ELL2: variants seen among roughly 807,000 people sequenced by gnomAD.
ELL2 encodes elongation factor for RNA polymerase II 2.
In ELL2, 21 loss-of-function variants were observed where a neutral mutation model predicts 72.8. That is an observed-to-expected ratio of 0.29 (90% CI 0.20 to 0.42). The LOEUF (loss-of-function observed/expected upper bound fraction) is 0.42, where lower values mean the gene tolerates loss of function less well. ELL2 is among the 10% of genes least tolerant of loss of function. The pLI is 1.00. For synonymous variants in ELL2, 266 were observed against 283.2 expected (o/e 0.94, Z 0.61); for missense variants, 568 against 772.8 (o/e 0.73, Z 3.14).
intron 10 of ELL2, among the ~76,000 whole-genome samples, chr5:95,890,370 A>C (rs779793811): frequency 3.9e-5 from 6 of 152,164 alleles, no homozygotes; most frequent in Non-Finnish European, 8.8e-5. Flanking sequence ...CAGCCTGAAC[A>C]CTGGTAGTGG....
chr5:95,906,857 A>AT, intron 4 of ELL2, 75 bp from the exon 5 acceptor site: 1 of 1,385,670 alleles, frequency 7.2e-7, no homozygotes, highest in South Asian at 1.8e-5. Flanking sequence ...CACAATTCTG[A>AT]TTTAGGTACC....
chr5:95,905,747 GT>G (rs59880161), intron 5 of ELL2, among the ~76,000 whole-genome samples: 8,271 of 144,572 alleles, frequency 0.057, 666 homozygotes, highest in East Asian at 0.42. Flanking sequence ...AACCTGTAGG[GT>G]TTTTTTTTTT....
chr5:95,891,536 AAG>A (rs1400217662), intron 9 of ELL2, among the ~76,000 whole-genome samples: 25 of 152,222 alleles, frequency 1.6e-4, no homozygotes, highest in Admixed American at 1.6e-3. Flanking sequence ...ACTAAGTAAA[AAG>A]AAAACAGTAT....
chr5:95,912,825 C>T (rs1448601368), intron 4 of ELL2, among the ~76,000 whole-genome samples: 2 of 152,182 alleles, frequency 1.3e-5, no homozygotes, highest in Admixed American at 6.5e-5. Flanking sequence ...TGTACTGTAG[C>T]TGGATCAGCA....
chr5:95,944,035 A>G (rs1751067615), intron 1 of ELL2, among the ~76,000 whole-genome samples: 1 of 152,188 alleles, frequency 6.6e-6, no homozygotes, highest in South Asian at 2.1e-4. Flanking sequence ...CAATGTACAA[A>G]AACAGTGGTT....
At chr5:95,944,197 G>A (rs1302124522) in intron 1 of ELL2, among the ~76,000 whole-genome samples, 1 of 152,034 alleles carries the variant, frequency 6.6e-6, no homozygotes, top group African/African-American at 2.4e-5. Context: ...AAATGAAAGA[G>A]AAAGAGAAAT....
At chr5:95,914,051 A>G in intron 3 of ELL2, 117 bp from the exon 4 acceptor site, 1 of 821,368 alleles carries the variant, frequency 1.2e-6, no homozygotes, top group Non-Finnish European at 1.7e-6. Flanking sequence ...TCCTAAAATA[A>G]CTAATATTAA....
In ELL2 at chr5:95,927,446, GACATAC is replaced by G. The variant is rs1750362413; in HGVS notation, c.196-7907_196-7902del. 5.6e-5 allele frequency among the ~76,000 whole-genome samples: 2 copies of G among 35,528 alleles called. 1 individual carries two copies. The highest frequency in any genetic ancestry group is 6.4e-4 in the African/African-American group (2 of 3,124). 23.3% of individuals were successfully genotyped at this position (35,528 alleles called of 152,430 possible). On this transcript the variant is annotated intron_variant, in intron 2 of 11. Transcript: ENST00000237853. ...ACATACACACACACGTGTGTATATA[GACATAC>G]ACACACACGTGTGTATATAGACATA...
At chr5:95,909,819 C>T (rs756511303) in intron 4 of ELL2, among the ~76,000 whole-genome samples, 1 of 152,152 alleles carries the variant, frequency 6.6e-6, no homozygotes, top group South Asian at 2.1e-4. Context: ...AGTATTTACC[C>T]CTCAGTCTAA....
intron 1 of ELL2, among the ~76,000 whole-genome samples, chr5:95,952,393 C>T (rs371115746): frequency 3.6e-4 from 54 of 152,044 alleles, no homozygotes; most frequent in African/African-American, 1.1e-3. Flanking sequence ...ATCTGTACAC[C>T]AAACCCCCAT....
At chr5:95,901,873 C>T (rs182413816) in intron 5 of ELL2, among the ~76,000 whole-genome samples, 192 of 152,306 alleles carry the variant, frequency 1.3e-3, no homozygotes, top group Non-Finnish European at 2.5e-3. Flanking sequence ...AGGGATGATT[C>T]ACATCCTGGG....
At chr5:95,952,361 T>C (rs911480087) in intron 1 of ELL2, among the ~76,000 whole-genome samples, 9 of 152,098 alleles carry the variant, frequency 5.9e-5, no homozygotes, top group African/African-American at 2.2e-4. Flanking sequence ...GGTACTATGC[T>C]TATTACCTGG....
At chr5:95,906,159 G>A (rs1749352066) in intron 5 of ELL2, among the ~76,000 whole-genome samples, 1 of 152,036 alleles carries the variant, frequency 6.6e-6, no homozygotes. Context: ...CCAATCAAAG[G>A]CCAATAGAAT....
At chr5:95,927,370 T>TGTGTATATAG (rs1750324497) in intron 2 of ELL2, among the ~76,000 whole-genome samples, 1 of 90,878 alleles carries the variant, frequency 1.1e-5, no homozygotes, top group African/African-American at 7.1e-5. Flanking sequence ...TATATAGACA[T>TGTGTATATAG]ACACACACAC....
intron 4 of ELL2, among the ~76,000 whole-genome samples, chr5:95,908,531 A>G (rs1749461875): frequency 6.6e-6 from 1 of 152,184 alleles, no homozygotes; most frequent in African/African-American, 2.4e-5. Context: ...GCCTTAAATC[A>G]GTATTTGATG....
intron 2 of ELL2, among the ~76,000 whole-genome samples, chr5:95,942,664 TA>T (rs948320725): frequency 6.6e-6 from 1 of 152,250 alleles, no homozygotes; most frequent in Admixed American, 6.5e-5. Flanking sequence ...TTGCCTGAAA[TA>T]AATAATCCCG....
At chr5:95,894,162 C>T (rs1224139075) in intron 9 of ELL2, among the ~76,000 whole-genome samples, 1 of 152,116 alleles carries the variant, frequency 6.6e-6, no homozygotes, top group African/African-American at 2.4e-5. Context: ...TCCGCTTGAA[C>T]CCTGGAGGTG....
intron 7 of ELL2, 21 bp from the exon 8 acceptor site, chr5:95,898,831 A>G: frequency 6.8e-7 from 1 of 1,475,880 alleles, no homozygotes; most frequent in East Asian, 2.3e-5. Context: ...GAAAAGGAGA[A>G]AAGTGAGCCA....
At chr5:95,945,737 A>G (rs551146917) in intron 1 of ELL2, among the ~76,000 whole-genome samples, 1 of 152,304 alleles carries the variant, frequency 6.6e-6, no homozygotes, top group East Asian at 1.9e-4. Context: ...GAATACCCTG[A>G]GGAAAAAAGC....
Sources: gnomAD v4.1 joint callset for allele counts (sites outside exome capture counted in the v4.1 genomes callset) on GRCh38, gnomAD v4.1.1 for gene constraint, MANE v1.5 for transcripts, NCBI Gene and HGNC (gene_info 2026-07-23, HGNC 2026-07-21) for gene names.